The following MAPKAP1 variants were observed in gnomAD, a reference collection of about 807,000 sequenced individuals.
MAPKAP1 encodes MAPK associated protein 1, also known as target of rapamycin complex 2 subunit MAPKAP1.
Under a neutral mutation model 65.7 loss-of-function variants are expected in MAPKAP1, and 20 were observed. The observed-to-expected ratio is 0.30, with a 90% confidence interval of 0.21 to 0.44. The LOEUF (loss-of-function observed/expected upper bound fraction) is 0.44, where lower values mean the gene tolerates loss of function less well. Among genes scored for constraint, MAPKAP1 ranks in the 20% least tolerant of loss-of-function variants. The pLI, the probability that MAPKAP1 is intolerant of heterozygous loss-of-function variation, is 1.00. For synonymous variants in MAPKAP1, 222 were observed against 244.3 expected (o/e 0.91, Z 0.85); for missense variants, 423 against 648.0 (o/e 0.65, Z 3.77).
At chr9:125,657,516 T>C (rs1834065468) in intron 4 of MAPKAP1, 135 bp downstream of exon 4, 2 of 787,694 alleles carry the variant, frequency 2.5e-6, no homozygotes, top group Non-Finnish European at 3.9e-6. Flanking sequence ...TCTTAGAAAA[T>C]GTAAGTGACA....
chr9:125,453,217 T>C (rs970875458), intron 10 of MAPKAP1, among the ~76,000 whole-genome samples: 9 of 152,214 alleles, frequency 5.9e-5, no homozygotes, highest in African/African-American at 1.2e-4. Flanking sequence ...ACACCAGGCC[T>C]GGCTAATTTT....
chr9:125,459,469 G>A (rs1373628525), intron 10 of MAPKAP1, among the ~76,000 whole-genome samples: 3 of 152,016 alleles, frequency 2.0e-5, no homozygotes, highest in Non-Finnish European at 4.4e-5. Context: ...CAGGCGGCTG[G>A]GAGGTGGAGG....
intron 4 of MAPKAP1, among the ~76,000 whole-genome samples, chr9:125,589,185 A>T (rs1831879143): frequency 1.3e-5 from 2 of 152,198 alleles, no homozygotes; most frequent in South Asian, 4.1e-4. Context: ...ATTATTAATT[A>T]TTATTATACA....
chr9:125,456,370 T>C (rs1472375465), intron 10 of MAPKAP1, among the ~76,000 whole-genome samples: 2 of 152,218 alleles, frequency 1.3e-5, no homozygotes. Context: ...CTCCAAAGGC[T>C]CTAATCTCTT....
At chr9:125,541,671 C>T (rs551751987) in intron 7 of MAPKAP1, among the ~76,000 whole-genome samples, 66 of 152,190 alleles carry the variant, frequency 4.3e-4, no homozygotes, top group African/African-American at 1.4e-3. Flanking sequence ...TTGACCCCCA[C>T]GCAATGGATA....
At chr9:125,456,281 T>C (rs1487145919) in intron 10 of MAPKAP1, among the ~76,000 whole-genome samples, 1 of 152,240 alleles carries the variant, frequency 6.6e-6, no homozygotes, top group Non-Finnish European at 1.5e-5. Flanking sequence ...TGGTTTGATA[T>C]TTGAAATCAA....
intron 4 of MAPKAP1, among the ~76,000 whole-genome samples, chr9:125,634,006 T>C (rs1833357534): frequency 6.6e-6 from 1 of 152,248 alleles, no homozygotes; most frequent in Admixed American, 6.5e-5. Flanking sequence ...CTTGACAATA[T>C]GTGATTAATT....
chr9:125,666,622 C>T (rs956211845), intron 3 of MAPKAP1, among the ~76,000 whole-genome samples: 1 of 152,002 alleles, frequency 6.6e-6, no homozygotes. Flanking sequence ...GTGAGACCCC[C>T]AATTCTTAAA....
chr9:125,482,044 A>C (rs1218174634), intron 9 of MAPKAP1, among the ~76,000 whole-genome samples: 2 of 151,502 alleles, frequency 1.3e-5, no homozygotes, highest in East Asian at 2.0e-4. Flanking sequence ...AGGCAGGAGA[A>C]TCACTTGAAC....
Position 125,603,308 on chromosome 9 carries a change from G to T in MAPKAP1, c.499-17581C>A, listed in dbSNP as rs1484518860. Among the ~76,000 whole-genome samples the T allele has an allele frequency of 3.9e-5, 6 of 152,142 alleles. No homozygotes were observed. The East Asian group carries it at 9.6e-4, about 24-fold the overall frequency. On this transcript the variant is annotated intron_variant, in intron 4 of 11. Coordinates refer to ENST00000265960, the MANE Select transcript of MAPKAP1 (RefSeq NM_001006617.3). The stretch of plus-strand genomic sequence containing the variant: ...TGAGGCTCATCAGTAATCGTGAGGT[G>T]TATCTGTTACTAAATCTGGCTACCC...
At chr9:125,517,176 C>G (rs1343851939) in intron 7 of MAPKAP1, among the ~76,000 whole-genome samples, 1 of 151,978 alleles carries the variant, frequency 6.6e-6, no homozygotes, top group Non-Finnish European at 1.5e-5. Context: ...CCATAAAGAA[C>G]AGTATAGGTT....
Position 125,447,594 on chromosome 9 carries a change from CT to C in MAPKAP1, c.1346-2997del. The C allele has an allele frequency of 2.4e-6, 1 of 420,602 alleles. No homozygotes were observed. Among genetic ancestry groups the C allele is most frequent in the Non-Finnish European group, 4.8e-6 (1 of 206,334 alleles). The allele number at this position is 420,602 out of a possible 1,614,324, so 26.1% of individuals were successfully genotyped here. ...CCCCGAGTTCCCCTCGCTAGCAGCC[CT>C]GTTTCGCTGGGCGGCCAGAAGGGCA... is the stretch of plus-strand genomic sequence containing the variant. On this transcript the variant is annotated intron_variant, in intron 10 of 11. Coordinates refer to ENST00000265960, the MANE Select transcript of MAPKAP1 (RefSeq NM_001006617.3). The surrounding 1 kb of genome is among the most constrained non-coding windows in gnomAD (Gnocchi z 4.5).
chr9:125,445,077 C>T (rs1852656182), intron 10 of MAPKAP1, among the ~76,000 whole-genome samples: 1 of 151,938 alleles, frequency 6.6e-6, no homozygotes. Context: ...GGGAGAATCC[C>T]AGTTTTAGAC....
intron 6 of MAPKAP1, among the ~76,000 whole-genome samples, chr9:125,555,082 G>A (rs1029295920): frequency 5.3e-5 from 8 of 151,806 alleles, no homozygotes; most frequent in African/African-American, 9.7e-5. Flanking sequence ...TTTTATTAAC[G>A]TTATAATTTT....
At chr9:125,511,179 T>C (rs570293433) in intron 7 of MAPKAP1, among the ~76,000 whole-genome samples, 1 of 147,566 alleles carries the variant, frequency 6.8e-6, no homozygotes, top group Non-Finnish European at 1.5e-5. Context: ...ATCATCATCA[T>C]CATCATCATC....
At chr9:125,458,683 C>T (rs1045590472) in intron 10 of MAPKAP1, among the ~76,000 whole-genome samples, 4 of 150,312 alleles carry the variant, frequency 2.7e-5, no homozygotes, top group African/African-American at 9.8e-5. Flanking sequence ...CCTTTCTATT[C>T]CACAAAACCG....
At chr9:125,446,633 C>G (rs1032276442) in intron 10 of MAPKAP1, among the ~76,000 whole-genome samples, 1 of 152,110 alleles carries the variant, frequency 6.6e-6, no homozygotes, top group Non-Finnish European at 1.5e-5. Context: ...CAAAGAGACA[C>G]CCCCTCCAGG....
rs763089213 is a variant in MAPKAP1 at position 125,438,526 on chromosome 9, T to C, written c.*361A>G. Reference sequence around the variant, plus strand: ...AAACAGAAATGTACATTTTTGTTGTTTGCTTTAAGAAATTTGATCAAGTTG... The same window carrying C: ...AAACAGAAATGTACATTTTTGTTGTCTGCTTTAAGAAATTTGATCAAGTTG... On this transcript the variant is annotated 3_prime_UTR_variant, in exon 12 of 12. Transcript: ENST00000265960. 4.8e-6 allele frequency: 2 copies of C among 412,446 alleles called. No homozygotes were observed. The highest frequency in any genetic ancestry group is 8.5e-6 in the Non-Finnish European group (2 of 234,570). 25.5% of individuals were successfully genotyped at this position (412,446 alleles called of 1,614,324 possible). A position where few individuals can be genotyped will look rare whatever the true frequency, so the allele number is the denominator to read the frequency against.
intron 5 of MAPKAP1, among the ~76,000 whole-genome samples, chr9:125,582,773 T>C (rs1287107300): frequency 6.6e-6 from 1 of 152,252 alleles, no homozygotes; most frequent in Non-Finnish European, 1.5e-5. Flanking sequence ...CGTCCAGGGA[T>C]GCAGTTCCTT....
Sources: gnomAD v4.1 joint callset for allele counts (sites outside exome capture counted in the v4.1 genomes callset) on GRCh38, gnomAD v4.1.1 for gene constraint, Gnocchi (gnomAD v3.1) non-coding constraint, MANE v1.5 for transcripts, NCBI Gene and HGNC (gene_info 2026-07-23, HGNC 2026-07-21) for gene names.